SLC17A9: variants seen among roughly 807,000 people sequenced by gnomAD.
SLC17A9 encodes the protein solute carrier family 17 member 9.
Under a neutral mutation model 55.0 loss-of-function variants are expected in SLC17A9, and 49 were observed. The observed-to-expected ratio is 0.89, with a 90% confidence interval of 0.71 to 1.13. SLC17A9 has a LOEUF of 1.13. Among genes scored for constraint, SLC17A9 ranks in the 50% most tolerant of loss-of-function variants. The pLI, the probability that SLC17A9 is intolerant of heterozygous loss-of-function variation, is 0.00. For synonymous variants in SLC17A9, 256 were observed against 247.4 expected (o/e 1.03, Z -0.32); for missense variants, 526 against 569.3 (o/e 0.92, Z 0.77).
chr20:62,967,204 CTG>C, intron 12 of SLC17A9, 131 bp from the exon 13 acceptor site: 1 of 1,102,092 alleles, frequency 9.1e-7, no homozygotes, highest in Non-Finnish European at 1.3e-6. Flanking sequence ...GAATTCAGCC[CTG>C]GGAACCATGG....
At position 62,962,804 on chromosome 20, in the gene SLC17A9, C is replaced by A; in HGVS notation, c.628+50C>A. On this transcript the variant is annotated intron_variant, in intron 5 of 12. Transcript: ENST00000370351. This position sits in a 1 kb window ranked among gnomAD's most constrained non-coding sequence, Gnocchi z 5.5. ...CCCGGGCGCCCACAGCTGCCCAGTG[C>A]CTCCTCCCCTGGTGGCAGCCGCTGA... 6.2e-7 allele frequency: 1 copy of A among 1,602,726 alleles called. No individual in the cohort carries two copies. The highest frequency in any genetic ancestry group is 1.1e-5 in the South Asian group (1 of 89,896).
At chr20:62,963,997 G>A (rs1184495304) in intron 7 of SLC17A9, 2 of 607,240 alleles carry the variant, frequency 3.3e-6, no homozygotes, top group Admixed American at 2.9e-5. Flanking sequence ...GCAGAAGCCG[G>A]GATGTGGACA....
intron 1 of SLC17A9, among the ~76,000 whole-genome samples, chr20:62,954,889 G>A (rs552669987): frequency 6.6e-6 from 1 of 152,378 alleles, no homozygotes; most frequent in Admixed American, 6.5e-5. Context: ...CAGTGCAACT[G>A]AGCTTTCTGC....
At chr20:62,954,640 A>G (rs2065520599) in intron 1 of SLC17A9, among the ~76,000 whole-genome samples, 1 of 151,942 alleles carries the variant, frequency 6.6e-6, no homozygotes, top group East Asian at 1.9e-4. Flanking sequence ...CAGGTAGCCG[A>G]CTGTCTGGGC....
rs1422228949 is a variant in SLC17A9 at position 62,957,802 on chromosome 20, T to C, written c.397+222T>C. ...ATGCGTGCACCTGTGTGTGTGTGCG[T>C]GTGCAAGTGTGTGTGTATGGGCATG... On this transcript the variant is annotated intron_variant, in intron 3 of 12. Transcript: ENST00000370351. Among the ~76,000 whole-genome samples, 9 of 118,382 alleles carry C rather than the reference T, an allele frequency of 7.6e-5. No homozygotes were observed. In the South Asian group the frequency reaches 1.0e-3, roughly 13 times the overall value. The allele number at this position is 118,382 out of a possible 152,430, so 77.7% of individuals were successfully genotyped here.
intron 7 of SLC17A9, 117 bp downstream of exon 7, chr20:62,963,797 T>C: frequency 4.3e-6 from 4 of 934,866 alleles, no homozygotes; most frequent in Non-Finnish European, 3.2e-6. Context: ...CCTCCTGGAC[T>C]CTGAGGGTCC....
rs537750811 is a variant in SLC17A9, at chr20:62,967,773, C to T, written c.*273C>T. ...TGTCCTCCTCACAGGCTGGTGTGGCCGTCAGGGTGGGTGGGGTTATTGTTA... is the reference window on the plus strand; with the variant it reads ...TGTCCTCCTCACAGGCTGGTGTGGCTGTCAGGGTGGGTGGGGTTATTGTTA... On this transcript the variant is annotated 3_prime_UTR_variant, in exon 13 of 13. Transcript: ENST00000370351. The T allele has an allele frequency of 1.3e-5, 5 of 381,926 alleles. No homozygotes were observed. The highest frequency in any genetic ancestry group is 9.3e-5 in the South Asian group (2 of 21,572). 23.7% of individuals were successfully genotyped at this position (381,926 alleles called of 1,614,324 possible).
In SLC17A9 at chr20:62,954,291, G is replaced by A. The variant is rs954157508; in HGVS notation, c.59+1402G>A. Among the ~76,000 whole-genome samples, 4 of 152,198 alleles carry A rather than the reference G, an allele frequency of 2.6e-5. 1 individual carries two copies. The highest frequency in any genetic ancestry group is 2.6e-4 in the Admixed American group (4 of 15,290). ...ACGCCTTTTCCTAGCCCGCCCTCCT[G>A]CAGCCACATCACAAAGGCTGGGCCA... is the stretch of plus-strand genomic sequence containing the variant. On this transcript the variant is annotated intron_variant, in intron 1 of 12. Transcript: ENST00000370351.
intron 3 of SLC17A9, among the ~76,000 whole-genome samples, chr20:62,959,621 C>T (rs947879741): frequency 5.3e-5 from 8 of 152,218 alleles, no homozygotes; most frequent in East Asian, 1.9e-4. Flanking sequence ...CTCCGCCAGG[C>T]GGCCCCCAGC....
At chr20:62,957,167 A>C in intron 2 of SLC17A9, 10 of 985,254 alleles carry the variant, frequency 1.0e-5, no homozygotes, top group Non-Finnish European at 1.2e-5. Flanking sequence ...TGGTGGATAA[A>C]TCTGGGCAGA....
In SLC17A9 at chr20:62,962,638, G is replaced by A; in HGVS notation, c.512G>A (p.Gly171Glu). 1 of 1,613,996 alleles carries A rather than the reference G, an allele frequency of 6.2e-7. No individual in the cohort carries two copies. Among genetic ancestry groups the A allele is most frequent in the Non-Finnish European group, 8.5e-7 (1 of 1,179,904 alleles). ...AGSQFGTLLT[G>E]AVGSLLLEWY... ...TGTCTTTGCAGGACGCTGCTGACCGGGGCGGTGGGCTCCCTGCTCCTGGAA... is the reference window on the plus strand; with the variant it reads ...TGTCTTTGCAGGACGCTGCTGACCGAGGCGGTGGGCTCCCTGCTCCTGGAA... The change falls in exon 5 of 13, where the codon GGG becomes GAG. Residue 171 changes from glycine (G) to glutamate (E), a missense_variant. By Grantham distance (98) the Gly-to-Glu change is moderately conservative. Transcript: ENST00000370351. The surrounding 1 kb of genome is among the most constrained non-coding windows in gnomAD (Gnocchi z 5.5).
intron 3 of SLC17A9, among the ~76,000 whole-genome samples, chr20:62,959,957 T>C (rs796377530): frequency 2.6e-5 from 4 of 152,290 alleles, no homozygotes; most frequent in African/African-American, 9.6e-5. Flanking sequence ...TGAGAACACT[T>C]GGTCCAAAAG....
At chr20:62,955,897 G>A (rs146723989) in intron 1 of SLC17A9, among the ~76,000 whole-genome samples, 1 of 152,240 alleles carries the variant, frequency 6.6e-6, no homozygotes, top group Non-Finnish European at 1.5e-5. Flanking sequence ...TGTCCCCAGA[G>A]TGGAACCTGG....
At chr20:62,959,258 C>T (rs894979261) in intron 3 of SLC17A9, among the ~76,000 whole-genome samples, 3 of 152,200 alleles carry the variant, frequency 2.0e-5, no homozygotes, top group African/African-American at 7.2e-5. Context: ...GTGGGCAGCT[C>T]TGGGGACCCA....
chr20:62,964,802 C>T (rs890685515), intron 8 of SLC17A9, among the ~76,000 whole-genome samples: 1 of 152,246 alleles, frequency 6.6e-6, no homozygotes, highest in African/African-American at 2.4e-5. Context: ...AAAAGGAATA[C>T]ACACTCGTTG....
chr20:62,965,783 G>T, intron 10 of SLC17A9, 58 bp downstream of exon 10: 1 of 1,507,124 alleles, frequency 6.6e-7, no homozygotes, highest in Non-Finnish European at 9.2e-7. Context: ...GCCGAGGCCC[G>T]CACATGTGAA....
At chr20:62,963,176 T>C (rs2065603724) in intron 5 of SLC17A9, 97 bp from the exon 6 acceptor site, 87 of 1,290,366 alleles carry the variant, frequency 6.7e-5, no homozygotes, top group Non-Finnish European at 9.4e-5. Flanking sequence ...CGAGGCCTGC[T>C]GACCCCTCTG....
At chr20:62,953,998 C>T (rs1024243281) in intron 1 of SLC17A9, among the ~76,000 whole-genome samples, 2 of 152,264 alleles carry the variant, frequency 1.3e-5, no homozygotes, top group African/African-American at 4.8e-5. Context: ...TCAGGGCCTC[C>T]TCACTGGCGG....
chr20:62,966,478 G>T (rs778200986), intron 10 of SLC17A9, 47 bp from the exon 11 acceptor site: 1 of 1,593,290 alleles, frequency 6.3e-7, no homozygotes, highest in East Asian at 2.2e-5. Flanking sequence ...TGGGCCACCA[G>T]CTCGGTGGTG....
Sources: gnomAD v4.1 joint callset for allele counts (sites outside exome capture counted in the v4.1 genomes callset) on GRCh38, gnomAD v4.1.1 for gene constraint, Gnocchi (gnomAD v3.1) non-coding constraint, MANE v1.5 for transcripts, NCBI Gene and HGNC (gene_info 2026-07-23, HGNC 2026-07-21) for gene names.